NECAB1: variants seen among roughly 807,000 people sequenced by gnomAD.
NECAB1 encodes the protein N-terminal EF-hand calcium binding protein 1, also known as N-terminal EF-hand calcium-binding protein 1.
In NECAB1, 29 loss-of-function variants were observed where a neutral mutation model predicts 57.5. That is an observed-to-expected ratio of 0.50 (90% CI 0.38 to 0.69). The LOEUF (loss-of-function observed/expected upper bound fraction) is 0.69. Among genes scored for constraint, NECAB1 ranks in the 30% least tolerant of loss-of-function variants. NECAB1 has a pLI of 0.00. For synonymous variants in NECAB1, 142 were observed against 147.7 expected (o/e 0.96, Z 0.28); for missense variants, 372 against 413.8 (o/e 0.90, Z 0.88).
At chr8:90,814,971 G>T (rs575527059) in intron 2 of NECAB1, among the ~76,000 whole-genome samples, 30 of 152,122 alleles carry the variant, frequency 2.0e-4, no homozygotes, top group Admixed American at 1.7e-3. Context: ...ATTTCTGTAT[G>T]TACCCATGGG....
intron 3 of NECAB1, among the ~76,000 whole-genome samples, chr8:90,848,939 G>A (rs1812624576): frequency 6.6e-6 from 1 of 152,172 alleles, no homozygotes; most frequent in Non-Finnish European, 1.5e-5. Flanking sequence ...TGACAAGAGT[G>A]AGACTCCATC....
At chr8:90,856,828 A>T (rs1022965738) in intron 3 of NECAB1, among the ~76,000 whole-genome samples, 1 of 152,166 alleles carries the variant, frequency 6.6e-6, no homozygotes, top group African/African-American at 2.4e-5. Context: ...GCTTAGTAAA[A>T]CTGCCTCCTA....
intron 4 of NECAB1, among the ~76,000 whole-genome samples, chr8:90,876,058 G>A (rs191668813): frequency 3.3e-5 from 5 of 152,130 alleles, no homozygotes; most frequent in Admixed American, 2.0e-4. Flanking sequence ...ATAACTGAGC[G>A]TACGGGAAAC....
At chr8:90,821,404 G>A (rs1812142045) in intron 2 of NECAB1, among the ~76,000 whole-genome samples, 1 of 151,746 alleles carries the variant, frequency 6.6e-6, no homozygotes, top group Non-Finnish European at 1.5e-5. Flanking sequence ...CAATTTTGAT[G>A]GTTTCTCATA....
At chr8:90,866,002 T>G (rs1038981154) in intron 3 of NECAB1, among the ~76,000 whole-genome samples, 1 of 152,222 alleles carries the variant, frequency 6.6e-6, no homozygotes, top group Admixed American at 6.5e-5. Flanking sequence ...ACCTGATTTT[T>G]ATATGACCAA....
chr8:90,812,180 C>T (rs16905417), intron 2 of NECAB1, among the ~76,000 whole-genome samples: 57,886 of 152,010 alleles, frequency 0.38, 12,278 homozygotes, highest in East Asian at 0.81. Flanking sequence ...CGATTATGTA[C>T]TGTACTCCTC....
intron 5 of NECAB1, among the ~76,000 whole-genome samples, chr8:90,905,945 T>G (rs1380283571): frequency 6.6e-6 from 1 of 152,224 alleles, no homozygotes; most frequent in Non-Finnish European, 1.5e-5. Flanking sequence ...CCCGGTTTCT[T>G]GCAATAGTCT....
intron 11 of NECAB1, among the ~76,000 whole-genome samples, chr8:90,950,476 T>G (rs1481110246): frequency 1.3e-5 from 2 of 152,184 alleles, no homozygotes; most frequent in Non-Finnish European, 2.9e-5. Context: ...AAATGTTTGC[T>G]CTTCTGAGAG....
chr8:90,921,365 C>T (rs1002432993), intron 6 of NECAB1, among the ~76,000 whole-genome samples: 13 of 152,072 alleles, frequency 8.5e-5, no homozygotes, highest in African/African-American at 2.9e-4. Context: ...ATGCCCTTCA[C>T]AGTCAAGAGT....
chr8:90,861,071 T>G (rs958726198), intron 3 of NECAB1, among the ~76,000 whole-genome samples: 1 of 152,216 alleles, frequency 6.6e-6, no homozygotes, highest in Non-Finnish European at 1.5e-5. Context: ...CAGATTGCTT[T>G]ATTTTCTATT....
intron 3 of NECAB1, among the ~76,000 whole-genome samples, chr8:90,840,759 C>T (rs1443572049): frequency 1.3e-5 from 2 of 152,042 alleles, no homozygotes; most frequent in African/African-American, 2.4e-5. Flanking sequence ...TGCTCATTGC[C>T]GGCTCTTGGG....
chr8:90,912,498 TTTAA>T (rs1484366899), intron 5 of NECAB1, among the ~76,000 whole-genome samples: 7 of 152,204 alleles, frequency 4.6e-5, no homozygotes, highest in Admixed American at 3.9e-4. Flanking sequence ...TTTAATAATA[TTTAA>T]TCCAAAATTA....
At position 90,949,862 on chromosome 8, in the gene NECAB1, G is replaced by C; in HGVS notation, c.916G>C (p.Glu306Gln). 1 of 1,608,166 alleles carries C rather than the reference G, an allele frequency of 6.2e-7. No homozygotes were observed. The highest frequency in any genetic ancestry group is 2.2e-5 in the East Asian group (1 of 44,756). Residue 306 changes from glutamate (E) to glutamine (Q), a missense_variant, in exon 11 of 13, where the codon GAG (glutamate) becomes CAG (glutamine). Transcript: ENST00000417640. ...ESRYMIYEFW[E>Q]NSSVWNSHLQ... is the part of the protein sequence containing the mutation. ...TCGCTACATGATCTATGAGTTCTGG[G>C]AGAATAGTAGTGTATGGAATAGGTA...
At chr8:90,812,936 A>AG (rs1708871046) in intron 2 of NECAB1, 1 of 192 alleles carries the variant, frequency 5.2e-3, no homozygotes, top group Non-Finnish European at 8.5e-3. Flanking sequence ...CACGCCTGTA[A>AG]TCCAGCACTT....
Position 90,959,129 on chromosome 8 carries a change from C to T in NECAB1, c.*3617C>T. 1 of 538,708 alleles carries T rather than the reference C, an allele frequency of 1.9e-6. No homozygotes were observed. Among genetic ancestry groups the T allele is most frequent in the Non-Finnish European group, 3.2e-6 (1 of 316,156 alleles). 33.4% of individuals were successfully genotyped at this position (538,708 alleles called of 1,614,324 possible). A position where few individuals can be genotyped will look rare whatever the true frequency, so the allele number is the denominator to read the frequency against. On this transcript the variant is annotated 3_prime_UTR_variant, in exon 13 of 13. Transcript: ENST00000417640. The stretch of plus-strand genomic sequence containing the variant: ...ATACTGTGAACGTACCAGGTGTTTA[C>T]AGATTTAAATGCATGTTACCATAGA...
intron 3 of NECAB1, among the ~76,000 whole-genome samples, chr8:90,827,945 T>TA (rs34771510): frequency 1.7e-4 from 26 of 151,740 alleles, no homozygotes; most frequent in Non-Finnish European, 3.2e-4. Context: ...TGTAATTATT[T>TA]AAAAAAAAGT....
intron 3 of NECAB1, among the ~76,000 whole-genome samples, chr8:90,849,023 C>A (rs1450683132): frequency 6.6e-6 from 1 of 152,122 alleles, no homozygotes; most frequent in East Asian, 1.9e-4. Flanking sequence ...AAAAACCCAC[C>A]CCCAATGATT....
intron 5 of NECAB1, among the ~76,000 whole-genome samples, chr8:90,881,815 T>C (rs957723890): frequency 6.6e-6 from 1 of 152,090 alleles, no homozygotes; most frequent in Non-Finnish European, 1.5e-5. Context: ...TATAGCCCAA[T>C]GAGAAGCACA....
At chr8:90,837,835 A>T in intron 3 of NECAB1, among the ~76,000 whole-genome samples, 1 of 152,200 alleles carries the variant, frequency 6.6e-6, no homozygotes, top group Non-Finnish European at 1.5e-5. Context: ...TTTAAATTAG[A>T]ATGGACTGTA....
Sources: gnomAD v4.1 joint callset for allele counts (sites outside exome capture counted in the v4.1 genomes callset) on GRCh38, gnomAD v4.1.1 for gene constraint, MANE v1.5 for transcripts, NCBI Gene and HGNC (gene_info 2026-07-23, HGNC 2026-07-21) for gene names.